Variants in CD5 observed in about 807,000 individuals in gnomAD.
The protein encoded by CD5 is CD5 molecule, also known as T-cell surface glycoprotein CD5.
CD5 carries 36 observed loss-of-function variants against 60.3 expected under a neutral mutation model. The ratio of observed to expected loss-of-function variants is 0.60; its 90% CI spans 0.46 to 0.79. The LOEUF (loss-of-function observed/expected upper bound fraction) is 0.79. Among genes scored for constraint, CD5 ranks in the 30% least tolerant of loss-of-function variants. CD5 has a pLI of 0.00. For missense variants in CD5, 540 were observed against 630.6 expected, an observed-to-expected ratio of 0.86 and a Z score of 1.54; for synonymous variants, 230 against 257.6, an observed-to-expected ratio of 0.89 and a Z score of 1.03.
At chr11:61,109,245 C>T (rs1387760054) in intron 1 of CD5, among the ~76,000 whole-genome samples, 1 of 152,224 alleles carries the variant, frequency 6.6e-6, no homozygotes, top group Non-Finnish European at 1.5e-5. Context: ...CTGACCTGAA[C>T]GAATGGGAGG....
intron 1 of CD5, among the ~76,000 whole-genome samples, chr11:61,109,983 T>C (rs986265397): frequency 7.2e-5 from 11 of 151,944 alleles, no homozygotes; most frequent in African/African-American, 2.7e-4. Context: ...GTCCACAGTT[T>C]TGGCAATAGC....
chr11:61,112,893 A>C (rs1470510856), intron 1 of CD5, among the ~76,000 whole-genome samples: 1 of 152,210 alleles, frequency 6.6e-6, no homozygotes, highest in East Asian at 1.9e-4. Flanking sequence ...ACCCCTTAAA[A>C]TTCAACCGCC....
the CD5 span, among the ~76,000 whole-genome samples, chr11:61,096,358 C>G: frequency 6.6e-6 from 1 of 152,202 alleles, no homozygotes; most frequent in Non-Finnish European, 1.5e-5. Flanking sequence ...GCAAGCACCC[C>G]CAAGGAGCCC....
At chr11:61,107,581 A>T (rs1860794969) in intron 1 of CD5, among the ~76,000 whole-genome samples, 1 of 152,214 alleles carries the variant, frequency 6.6e-6, no homozygotes, top group Admixed American at 6.5e-5. Context: ...GCACACTTAG[A>T]GGGATGTAAA....
chr11:61,103,842 G>GT, intron 1 of CD5, among the ~76,000 whole-genome samples: 1 of 122,668 alleles, frequency 8.2e-6, no homozygotes, highest in Non-Finnish European at 1.7e-5. Flanking sequence ...AGTACTGTGT[G>GT]GGGGGGAATG....
At chr11:61,120,030 C>G (rs1020369353) in intron 5 of CD5, among the ~76,000 whole-genome samples, 3 of 152,086 alleles carry the variant, frequency 2.0e-5, no homozygotes, top group African/African-American at 7.2e-5. Flanking sequence ...GTCCCTGAGG[C>G]CCGGGAGTCA....
chr11:61,124,535 G>C (rs759289448), intron 8 of CD5, among the ~76,000 whole-genome samples: 24 of 151,824 alleles, frequency 1.6e-4, no homozygotes, highest in Non-Finnish European at 3.1e-4. Context: ...CCTCCTTCCA[G>C]CCACAGTCAG....
At chr11:61,106,026 G>A (rs965241769) in intron 1 of CD5, among the ~76,000 whole-genome samples, 1 of 151,062 alleles carries the variant, frequency 6.6e-6, no homozygotes, top group Admixed American at 6.6e-5. Flanking sequence ...TCAGGAGGCT[G>A]AGGCAGGAGA....
At chr11:61,121,953 T>C (rs752833770) in intron 6 of CD5, 49 bp downstream of exon 6, 5 of 1,462,260 alleles carry the variant, frequency 3.4e-6, no homozygotes, top group Non-Finnish European at 3.7e-6. Context: ...CTACTTTACC[T>C]CTAGGACCCG....
chr11:61,099,516 A>G (rs1481245729), upstream of CD5, among the ~76,000 whole-genome samples: 136 of 151,062 alleles, frequency 9.0e-4, no homozygotes, highest in African/African-American at 3.1e-3. Flanking sequence ...CACACACATC[A>G]ACATGGAGAT....
Position 61,118,933 on chromosome 11 carries a change from C to T in CD5, c.419C>T (p.Pro140Leu). Reference sequence around the variant, plus strand: ...ATTGCAGAACCCCAGAAGACAACACCTCCAACGACAAGGCCCCCGCCCACC... The same window carrying T: ...ATTGCAGAACCCCAGAAGACAACACTTCCAACGACAAGGCCCCCGCCCACC... ...LTCLEPQKTT[P>L]PTTRPPPTTT... Residue 140 changes from proline to leucine, a missense_variant, in exon 4 of 11, where the codon CCT becomes CTT. By Grantham distance (98) the Pro-to-Leu change is moderately conservative. Coordinates refer to ENST00000347785, the MANE Select transcript of CD5 (RefSeq NM_014207.4). The surrounding 1 kb of genome is among the most constrained non-coding windows in gnomAD (Gnocchi z 4.7). 6.2e-7 allele frequency: 1 copy of T among 1,613,858 alleles called. No homozygotes were observed. Among genetic ancestry groups the T allele is most frequent in the East Asian group, 2.2e-5 (1 of 44,880 alleles).
chr11:61,098,791 T>C (rs548985884), upstream of CD5, among the ~76,000 whole-genome samples: 9 of 152,312 alleles, frequency 5.9e-5, no homozygotes, highest in Non-Finnish European at 8.8e-5. Context: ...AAACCCCTTC[T>C]TTCTTTAACT....
At chr11:61,096,548 A>G in the CD5 span, among the ~76,000 whole-genome samples, 1 of 152,008 alleles carries the variant, frequency 6.6e-6, no homozygotes, top group East Asian at 1.9e-4. Context: ...CGGTGGGGGG[A>G]CATGAGATAG....
chr11:61,118,528 C>T lies in CD5; in HGVS notation c.400+48C>T. On this transcript the variant is annotated intron_variant, in intron 3 of 10. Coordinates refer to ENST00000347785, the MANE Select transcript of CD5 (RefSeq NM_014207.4). This position sits in a 1 kb window ranked among gnomAD's most constrained non-coding sequence, Gnocchi z 4.7. ...GGGCACCCTGGGCCTGGGCGCCAGC[C>T]CCGAGGAGACTGCCCGAGGCCTGTG... is the stretch of plus-strand genomic sequence containing the variant. The T allele has an allele frequency of 6.4e-7, 1 of 1,568,630 alleles. No homozygotes were observed. The highest frequency in any genetic ancestry group is 8.7e-7 in the Non-Finnish European group (1 of 1,148,930).
Position 61,118,312 on chromosome 11 carries a change from T to C in CD5, c.232T>C (p.Ser78Pro). 1 of 1,614,202 alleles carries C rather than the reference T, an allele frequency of 6.2e-7. No individual in the cohort carries two copies. The change falls in exon 3 of 11, where the codon TCA becomes CCA. Residue 78 changes from serine to proline, a missense_variant. Ser to Pro is a moderately conservative substitution (Grantham distance 74, BLOSUM62 -1). Transcript: ENST00000347785. The surrounding 1 kb of genome is among the most constrained non-coding windows in gnomAD (Gnocchi z 4.7). ...SKQWEDPSQA[S>P]KVCQRLNCGV... ...GCAGTGGGAGGACCCCAGTCAAGCG[T>C]CAAAAGTCTGCCAGCGGCTGAACTG... is the stretch of plus-strand genomic sequence containing the variant.
chr11:61,098,529 C>A (rs1860612914), upstream of CD5, among the ~76,000 whole-genome samples: 1 of 152,218 alleles, frequency 6.6e-6, no homozygotes, highest in South Asian at 2.1e-4. Flanking sequence ...CGACCCCTGA[C>A]CTAATCTGTT....
intron 1 of CD5, 45 bp from the exon 2 acceptor site, chr11:61,115,011 G>A: frequency 1.9e-6 from 3 of 1,541,460 alleles, no homozygotes; most frequent in Non-Finnish European, 2.6e-6. Flanking sequence ...AGAAGGGAGA[G>A]AGTGGGAGGT....
chr11:61,114,847 A>G (rs1860914805), intron 1 of CD5, among the ~76,000 whole-genome samples: 1 of 151,928 alleles, frequency 6.6e-6, no homozygotes, highest in Non-Finnish European at 1.5e-5. Context: ...TTTTAAGAAG[A>G]AAAAAAATCG....
At chr11:61,110,630 T>A (rs575535175) in intron 1 of CD5, among the ~76,000 whole-genome samples, 2 of 152,248 alleles carry the variant, frequency 1.3e-5, no homozygotes, top group African/African-American at 4.8e-5. Flanking sequence ...AGGGAGGCAG[T>A]TTGGGCCTCA....
Sources: gnomAD v4.1 joint callset for allele counts (sites outside exome capture counted in the v4.1 genomes callset) on GRCh38, gnomAD v4.1.1 for gene constraint, Gnocchi (gnomAD v3.1) non-coding constraint, MANE v1.5 for transcripts, NCBI Gene and HGNC (gene_info 2026-07-23, HGNC 2026-07-21) for gene names.